The following RAPGEF2 variants were observed in gnomAD, a reference collection of about 807,000 sequenced individuals.
The protein encoded by RAPGEF2 is PDZ domain containing guanine nucleotide exchange factor (GEF) 1.
Under a neutral mutation model 186.7 loss-of-function variants are expected in RAPGEF2, and 54 were observed. The ratio of observed to expected loss-of-function variants is 0.29; its 90% CI spans 0.23 to 0.36. The LOEUF (loss-of-function observed/expected upper bound fraction) is 0.36, where lower values mean the gene tolerates loss of function less well. Among genes scored for constraint, RAPGEF2 ranks in the 10% least tolerant of loss-of-function variants. The probability of loss-of-function intolerance (pLI) is 1.00; values close to 1 mark genes in which losing one functional copy is unlikely to be tolerated. For synonymous variants in RAPGEF2, 712 were observed against 705.9 expected, an observed-to-expected ratio of 1.01 and a Z score of -0.14; for missense variants, 1,532 against 2,045.0, an observed-to-expected ratio of 0.75 and a Z score of 4.84.
At chr4:159,152,784 A>AC (rs1554000904) in intron 1 of RAPGEF2, among the ~76,000 whole-genome samples, 1 of 151,620 alleles carries the variant, frequency 6.6e-6, no homozygotes, top group Non-Finnish European at 1.5e-5. Context: ...CGCCTGGCTA[A>AC]TTTTTTTTGT....
At chr4:159,267,189 A>G in intron 7 of RAPGEF2, 1 of 1,287,632 alleles carries the variant, frequency 7.8e-7, no homozygotes, top group South Asian at 1.2e-5. Context: ...TTCTGCAGGA[A>G]GCAGCAATGC....
intron 8 of RAPGEF2, among the ~76,000 whole-genome samples, chr4:159,304,740 A>G (rs1763081009): frequency 6.6e-6 from 1 of 152,026 alleles, no homozygotes; most frequent in South Asian, 2.1e-4. Context: ...ATTTTGTTGC[A>G]TGGATAGATT....
chr4:159,298,300 G>A (rs1361419138), intron 7 of RAPGEF2, among the ~76,000 whole-genome samples: 5 of 152,020 alleles, frequency 3.3e-5, no homozygotes, highest in African/African-American at 4.8e-5. Flanking sequence ...TTGCTTTGTG[G>A]AATACTGATC....
intron 3 of RAPGEF2, among the ~76,000 whole-genome samples, chr4:159,209,616 T>C (rs1750321363): frequency 6.6e-6 from 1 of 152,234 alleles, no homozygotes; most frequent in African/African-American, 2.4e-5. Flanking sequence ...GCCTTCCACA[T>C]AAAATTTGTC....
intron 19 of RAPGEF2, 127 bp downstream of exon 19, chr4:159,339,481 T>C: frequency 1.6e-6 from 2 of 1,268,254 alleles, no homozygotes; most frequent in South Asian, 1.5e-5. Flanking sequence ...AAAGTATTGT[T>C]GTTGTTTTTT....
At chr4:159,138,347 G>T (rs1414651249) in intron 1 of RAPGEF2, among the ~76,000 whole-genome samples, 1 of 152,166 alleles carries the variant, frequency 6.6e-6, no homozygotes, top group Non-Finnish European at 1.5e-5. Context: ...TCATATTTTA[G>T]TGTTTCCAAG....
intron 29 of RAPGEF2, among the ~76,000 whole-genome samples, chr4:159,357,267 G>T (rs1468825580): frequency 1.3e-5 from 2 of 152,270 alleles, no homozygotes; most frequent in South Asian, 2.1e-4. Flanking sequence ...AGGCTGAAGT[G>T]GAAGGATCAC....
intron 19 of RAPGEF2, among the ~76,000 whole-genome samples, chr4:159,340,548 C>CA (rs1228624166): frequency 6.6e-6 from 1 of 151,688 alleles, no homozygotes; most frequent in Non-Finnish European, 1.5e-5. Flanking sequence ...GTGAAATACA[C>CA]AAAAAAAATT....
In RAPGEF2 at chr4:159,322,483, GGTGA is replaced by G; in HGVS notation, c.990+3_990+6del. 1.9e-6 allele frequency: 3 copies of G among 1,612,638 alleles called. No individual in the cohort carries two copies. The highest frequency in any genetic ancestry group is 2.5e-6 in the Non-Finnish European group (3 of 1,179,036). ...CCATAGTGTTAAATGATGGTGAAGA[GGTGA>G]GTAACTATTCCTACCACTTAAAAAG... On this transcript the variant is annotated splice_donor_variant and splice_donor_region_variant and intron_variant, in intron 10 of 29. Transcript: ENST00000691494. LOFTEE classifies it high-confidence loss of function.
intron 7 of RAPGEF2, among the ~76,000 whole-genome samples, chr4:159,281,218 T>C (rs936442710): frequency 2.0e-5 from 3 of 151,914 alleles, no homozygotes; most frequent in African/African-American, 7.2e-5. Context: ...TCTCGCTCTT[T>C]TGACCTCATG....
chr4:159,205,762 T>C (rs556522000), intron 3 of RAPGEF2, among the ~76,000 whole-genome samples: 1 of 152,248 alleles, frequency 6.6e-6, no homozygotes, highest in African/African-American at 2.4e-5. Context: ...TTTCCTGAGG[T>C]GTCCCCAGTC....
At chr4:159,270,542 G>C (rs1372379458) in intron 7 of RAPGEF2, among the ~76,000 whole-genome samples, 1 of 152,032 alleles carries the variant, frequency 6.6e-6, no homozygotes, top group Non-Finnish European at 1.5e-5. Flanking sequence ...TTAAATTTGG[G>C]GTGGGGGCAT....
intron 9 of RAPGEF2, among the ~76,000 whole-genome samples, chr4:159,316,442 T>A (rs920813385): frequency 6.6e-6 from 1 of 152,160 alleles, no homozygotes; most frequent in Non-Finnish European, 1.5e-5. Context: ...CCATTGGTAA[T>A]TTTTCCTGAA....
chr4:159,260,830 C>G (rs563039000), intron 7 of RAPGEF2, among the ~76,000 whole-genome samples: 3 of 152,146 alleles, frequency 2.0e-5, no homozygotes, highest in African/African-American at 7.2e-5. Flanking sequence ...CTCACCACAA[C>G]CTCCGCCTCC....
intron 1 of RAPGEF2, among the ~76,000 whole-genome samples, chr4:159,122,206 C>T (rs775513610): frequency 6.6e-6 from 1 of 151,744 alleles, no homozygotes; most frequent in African/African-American, 2.4e-5. Flanking sequence ...TTTGGCTGGG[C>T]GTGGTGGCTC....
At chr4:159,148,579 C>T (rs1327536238) in intron 1 of RAPGEF2, among the ~76,000 whole-genome samples, 1 of 152,144 alleles carries the variant, frequency 6.6e-6, no homozygotes, top group Admixed American at 6.5e-5. Context: ...CCATGTTTAA[C>T]TACTCCTATT....
At chr4:159,351,439 A>G (rs917548634) in intron 26 of RAPGEF2, among the ~76,000 whole-genome samples, 1 of 152,238 alleles carries the variant, frequency 6.6e-6, no homozygotes, top group African/African-American at 2.4e-5. Flanking sequence ...TTTAAAAAAT[A>G]AATCAGGAAT....
At chr4:159,240,974 A>G (rs1753919439) in intron 5 of RAPGEF2, 3 of 431,734 alleles carry the variant, frequency 6.9e-6, no homozygotes, top group Non-Finnish European at 1.2e-5. Context: ...AGAGTTACCC[A>G]TATTGTCCTA....
intron 4 of RAPGEF2, among the ~76,000 whole-genome samples, chr4:159,211,701 A>C (rs896948040): frequency 1.3e-5 from 2 of 152,202 alleles, no homozygotes; most frequent in Non-Finnish European, 2.9e-5. Context: ...AATGCTAGTG[A>C]AGGAGTGCCA....
Sources: gnomAD v4.1 joint callset for allele counts (sites outside exome capture counted in the v4.1 genomes callset) on GRCh38, gnomAD v4.1.1 for gene constraint, MANE v1.5 for transcripts, NCBI Gene and HGNC (gene_info 2026-07-23, HGNC 2026-07-21) for gene names.